TTLL11: variants seen among roughly 807,000 people sequenced by gnomAD.
TTLL11 encodes the protein tubulin polyglutamylase TTLL11.
TTLL11 carries 42 observed loss-of-function variants against 51.7 expected under a neutral mutation model. That is an observed-to-expected ratio of 0.81 (90% CI 0.64 to 1.05). TTLL11 has a LOEUF of 1.05. Ranked by LOEUF, TTLL11 falls within the 50% of genes least tolerant of loss-of-function variation. The pLI, the probability that TTLL11 is intolerant of heterozygous loss-of-function variation, is 0.00. For synonymous variants in TTLL11, 381 were observed against 383.5 expected (o/e 0.99, Z 0.08); for missense variants, 799 against 940.4 (o/e 0.85, Z 1.97).
Position 121,905,049 on chromosome 9 carries a change from CCT to C in TTLL11, c.1482-34303_1482-34302del, listed in dbSNP as rs368346294. On this transcript the variant is annotated intron_variant, in intron 6 of 8. Coordinates refer to ENST00000321582, the MANE Select transcript of TTLL11 (RefSeq NM_001139442.2). ...TAACTTTCTGGATTGTTCCCCAGGC[CCT>C]CAGAACGTGCTGGCCTATGCTGTAC... 5.8e-3 allele frequency among the ~76,000 whole-genome samples: 877 copies of C among 152,274 alleles called. 14 individuals carry two copies. Among genetic ancestry groups the C allele is most frequent in the African/African-American group, 0.02 (843 of 41,532 alleles).
rs1253900052 is a variant in TTLL11 at position 121,853,037 on chromosome 9, G to A, written c.1840+7300C>T. Among the ~76,000 whole-genome samples the A allele has an allele frequency of 6.6e-6, 1 of 152,228 alleles. No homozygotes were observed. Among genetic ancestry groups the A allele is most frequent in the South Asian group, 2.1e-4 (1 of 4,834 alleles). Reference sequence around the variant, plus strand: ...ATACTCTTCAATATTTCAGTGCATCGTTAACCAAATACATTTCAGCTGGGG... The same window carrying A: ...ATACTCTTCAATATTTCAGTGCATCATTAACCAAATACATTTCAGCTGGGG... On this transcript the variant is annotated intron_variant, in intron 8 of 8. Transcript: ENST00000321582. This position sits in a 1 kb window ranked among gnomAD's most constrained non-coding sequence, Gnocchi z 5.6.
chr9:121,931,204 A>G (rs1265617735), intron 6 of TTLL11, among the ~76,000 whole-genome samples: 6 of 152,214 alleles, frequency 3.9e-5, no homozygotes, highest in African/African-American at 1.4e-4. Context: ...CAAACACCGA[A>G]GCGCTGGGTA....
chr9:121,828,249 T>A (rs1836884979), intron 8 of TTLL11, among the ~76,000 whole-genome samples: 1 of 148,510 alleles, frequency 6.7e-6, no homozygotes, highest in Non-Finnish European at 1.5e-5. Flanking sequence ...CTCGGCTCAT[T>A]GCAACCTCCA....
chr9:121,924,154 G>A (rs1293116911), intron 6 of TTLL11, among the ~76,000 whole-genome samples: 1 of 152,164 alleles, frequency 6.6e-6, no homozygotes, highest in Non-Finnish European at 1.5e-5. Context: ...GCACGAAAAC[G>A]GACTAATATA....
chr9:122,092,516 G>A (rs935338001), intron 1 of TTLL11, among the ~76,000 whole-genome samples, 171 bp downstream of exon 1: 1 of 152,174 alleles, frequency 6.6e-6, no homozygotes, highest in African/African-American at 2.4e-5. Context: ...AGTGATTTTG[G>A]GGGGTAGGCC....
chr9:122,084,735 C>T (rs1434911323), intron 1 of TTLL11, among the ~76,000 whole-genome samples: 1 of 152,194 alleles, frequency 6.6e-6, no homozygotes, highest in Non-Finnish European at 1.5e-5. Flanking sequence ...TTCATCCTCA[C>T]AACAACTAGC....
chr9:121,952,631 C>G (rs972328599), intron 6 of TTLL11, among the ~76,000 whole-genome samples: 8 of 152,038 alleles, frequency 5.3e-5, no homozygotes, highest in African/African-American at 1.4e-4. Context: ...TCCTGCCCCC[C>G]ACACACTCTG....
intron 8 of TTLL11, among the ~76,000 whole-genome samples, chr9:121,841,951 T>C (rs942525322): frequency 1.3e-5 from 2 of 152,144 alleles, no homozygotes; most frequent in African/African-American, 4.8e-5. Flanking sequence ...CATGGATGCC[T>C]GACCACTGGA....
chr9:122,001,906 G>A (rs1843479821), intron 3 of TTLL11, among the ~76,000 whole-genome samples: 1 of 152,206 alleles, frequency 6.6e-6, no homozygotes, highest in South Asian at 2.1e-4. Flanking sequence ...CGAAGGTGTT[G>A]ACATGTAAGG....
chr9:122,018,215 T>C (rs925598982), intron 3 of TTLL11, among the ~76,000 whole-genome samples: 1 of 150,494 alleles, frequency 6.6e-6, no homozygotes, highest in African/African-American at 2.5e-5. Context: ...TGGGTTCACG[T>C]CATTCTTCTG....
At chr9:121,856,680 C>T (rs113678268) in intron 8 of TTLL11, among the ~76,000 whole-genome samples, 6 of 152,132 alleles carry the variant, frequency 3.9e-5, no homozygotes, top group Non-Finnish European at 5.9e-5. Context: ...GTTCTTTGAG[C>T]GTGAGAACCC....
chr9:122,039,351 G>A lies in TTLL11; in HGVS notation c.480C>T (p.Arg160=), dbSNP rs751522618. ...LKWKEFPFGR[R]LPCDIYWHGV... is the part of the protein sequence containing the mutation. ...CATGCCAGTAGATGTCACAAGGCAA[G>A]CGCCGGCCAAATGGGAACTAGAAGA... Residue 160 remains arginine, a synonymous_variant, in exon 2 of 9, where the codon CGC becomes CGT. Coordinates refer to ENST00000321582, the MANE Select transcript of TTLL11 (RefSeq NM_001139442.2). 2 of 1,613,888 alleles carry A rather than the reference G, an allele frequency of 1.2e-6. No homozygotes were observed. Among genetic ancestry groups the A allele is most frequent in the African/African-American group, 2.7e-5 (2 of 74,930 alleles).
intron 8 of TTLL11, among the ~76,000 whole-genome samples, chr9:121,859,004 G>T (rs369119518): frequency 2.0e-5 from 3 of 152,294 alleles, no homozygotes; most frequent in East Asian, 3.9e-4. Context: ...GGGTGCCAGG[G>T]TGCTGCGGGC....
At chr9:121,918,340 G>T (rs1459394833) in intron 6 of TTLL11, among the ~76,000 whole-genome samples, 1 of 152,200 alleles carries the variant, frequency 6.6e-6, no homozygotes, top group African/African-American at 2.4e-5. Context: ...CAGAGTGAAG[G>T]TGGGGAGATT....
chr9:122,030,341 C>T (rs1844500987), intron 3 of TTLL11, among the ~76,000 whole-genome samples: 1 of 152,096 alleles, frequency 6.6e-6, no homozygotes, highest in African/African-American at 2.4e-5. Flanking sequence ...TATATAAACC[C>T]ATGTGACCAC....
intron 3 of TTLL11, among the ~76,000 whole-genome samples, chr9:121,991,964 G>T (rs996306956): frequency 6.6e-6 from 1 of 152,142 alleles, no homozygotes; most frequent in African/African-American, 2.4e-5. Flanking sequence ...CAAGTTTGCG[G>T]TGCCATTTTT....
At chr9:121,934,291 G>T (rs1401985671) in intron 6 of TTLL11, among the ~76,000 whole-genome samples, 1 of 150,228 alleles carries the variant, frequency 6.7e-6, no homozygotes, top group Admixed American at 6.6e-5. Flanking sequence ...TTGCGCTTTG[G>T]ATCTTTTACC....
chr9:122,040,511 G>T, intron 1 of TTLL11: 2 of 685,040 alleles, frequency 2.9e-6, no homozygotes, highest in Non-Finnish European at 3.6e-6. Flanking sequence ...GGCCATGTTA[G>T]TTCATATTCA....
intron 6 of TTLL11, among the ~76,000 whole-genome samples, chr9:121,898,833 C>T (rs1839643559): frequency 6.6e-6 from 1 of 152,230 alleles, no homozygotes; most frequent in Non-Finnish European, 1.5e-5. Flanking sequence ...AACACATCCA[C>T]GTGTGCAGCT....
Sources: gnomAD v4.1 joint callset for allele counts (sites outside exome capture counted in the v4.1 genomes callset) on GRCh38, gnomAD v4.1.1 for gene constraint, Gnocchi (gnomAD v3.1) non-coding constraint, MANE v1.5 for transcripts, NCBI Gene and HGNC (gene_info 2026-07-23, HGNC 2026-07-21) for gene names.